Variants in CHSY3 observed in about 807,000 individuals in gnomAD.
The protein encoded by CHSY3 is N-acetylgalactosaminyl-proteoglycan 3-beta-glucuronosyltransferase 3.
CHSY3 carries 35 observed loss-of-function variants against 67.2 expected under a neutral mutation model. The observed-to-expected ratio is 0.52, with a 90% CI of 0.40 to 0.69. CHSY3 has a LOEUF of 0.69. Among genes scored for constraint, CHSY3 ranks in the 30% least tolerant of loss-of-function variants. The probability of loss-of-function intolerance (pLI) is 0.00; values close to 1 mark genes in which losing one functional copy is unlikely to be tolerated. For missense variants in CHSY3, 1,069 were observed against 1,138.5 expected, an observed-to-expected ratio of 0.94 and a Z score of 0.88; for synonymous variants, 474 against 434.7, an observed-to-expected ratio of 1.09 and a Z score of -1.12.
At chr5:130,151,283 T>C (rs1490077408) in intron 2 of CHSY3, among the ~76,000 whole-genome samples, 1 of 152,184 alleles carries the variant, frequency 6.6e-6, no homozygotes, top group East Asian at 1.9e-4. Flanking sequence ...TTGCCAAATG[T>C]CATTACTGTG....
At chr5:130,114,198 A>C (rs2149705530) in intron 2 of CHSY3, among the ~76,000 whole-genome samples, 1 of 152,296 alleles carries the variant, frequency 6.6e-6, no homozygotes, top group East Asian at 1.9e-4. Flanking sequence ...TTAGCTTATA[A>C]GGATAACAAA....
At chr5:129,926,404 T>A (rs1358084588) in intron 2 of CHSY3, among the ~76,000 whole-genome samples, 1 of 151,944 alleles carries the variant, frequency 6.6e-6, no homozygotes, top group Non-Finnish European at 1.5e-5. Context: ...GAACATATAG[T>A]TTTATTTTGT....
chr5:130,051,345 T>A (rs971807509), intron 2 of CHSY3, among the ~76,000 whole-genome samples: 1 of 152,098 alleles, frequency 6.6e-6, no homozygotes, highest in Non-Finnish European at 1.5e-5. Flanking sequence ...TTAAAGGAGC[T>A]AAAGTTCTTT....
intron 2 of CHSY3, among the ~76,000 whole-genome samples, chr5:129,991,744 G>A (rs1763373901): frequency 6.6e-6 from 1 of 152,114 alleles, no homozygotes; most frequent in Non-Finnish European, 1.5e-5. Context: ...AAAAGAGGAA[G>A]AAGAAAAGAA....
intron 2 of CHSY3, among the ~76,000 whole-genome samples, chr5:130,180,582 GGTGCCTTATGCCTGTAATCC>G (rs1770215787): frequency 6.6e-6 from 1 of 151,864 alleles, no homozygotes; most frequent in South Asian, 2.1e-4. Flanking sequence ...GACTGGGCAC[GGTGCCTTATGCCTGTAATCC>G]CAGACCTTGG....
intron 2 of CHSY3, among the ~76,000 whole-genome samples, chr5:130,016,293 G>A (rs929384425): frequency 2.0e-5 from 3 of 152,174 alleles, no homozygotes; most frequent in South Asian, 4.1e-4. Flanking sequence ...GGGATATAAG[G>A]CTATCCATAT....
At chr5:129,919,266 A>G (rs555782940) in intron 2 of CHSY3, among the ~76,000 whole-genome samples, 1 of 152,328 alleles carries the variant, frequency 6.6e-6, no homozygotes, top group South Asian at 2.1e-4. Context: ...AGAAGAACCC[A>G]AAGACAGTTA....
At chr5:129,973,972 T>A (rs756442737) in intron 2 of CHSY3, among the ~76,000 whole-genome samples, 8 of 152,096 alleles carry the variant, frequency 5.3e-5, no homozygotes, top group Non-Finnish European at 7.4e-5. Flanking sequence ...GGCTCCTAGG[T>A]CTGCAACGCT....
intron 2 of CHSY3, chr5:130,001,277 G>A (rs1763721087): frequency 5.2e-6 from 1 of 193,954 alleles, no homozygotes; most frequent in Non-Finnish European, 9.4e-6. Flanking sequence ...TCAAGGGAAA[G>A]AAAAGATTAT....
At chr5:129,980,101 G>A (rs762955422) in intron 2 of CHSY3, among the ~76,000 whole-genome samples, 1 of 152,128 alleles carries the variant, frequency 6.6e-6, no homozygotes, top group Non-Finnish European at 1.5e-5. Context: ...ACTCCATAGG[G>A]TAAATACTAC....
chr5:130,043,023 T>A (rs1765047182), intron 2 of CHSY3, among the ~76,000 whole-genome samples: 1 of 152,122 alleles, frequency 6.6e-6, no homozygotes, highest in Non-Finnish European at 1.5e-5. Context: ...TGGAAATTTT[T>A]GCAAAGTTAT....
At chr5:129,981,618 A>C (rs988107086) in intron 2 of CHSY3, among the ~76,000 whole-genome samples, 3 of 152,140 alleles carry the variant, frequency 2.0e-5, no homozygotes, top group African/African-American at 7.2e-5. Context: ...TCCTGGGCTC[A>C]AGGAATCCTC....
intron 2 of CHSY3, among the ~76,000 whole-genome samples, chr5:129,968,209 C>T (rs951148110): frequency 6.6e-6 from 1 of 151,680 alleles, no homozygotes; most frequent in African/African-American, 2.4e-5. Context: ...TAATATACAT[C>T]GATAAATCCA....
chr5:130,105,405 A>G (rs1029438266), intron 2 of CHSY3, among the ~76,000 whole-genome samples: 1 of 151,722 alleles, frequency 6.6e-6, no homozygotes, highest in African/African-American at 2.4e-5. Context: ...TCACTGTGGC[A>G]TAGTTTATAA....
rs866993352 is a variant in CHSY3 at position 129,904,911 on chromosome 5, G to A, written c.82G>A (p.Ala28Thr). 3 of 1,531,912 alleles carry A rather than the reference G, an allele frequency of 2.0e-6. No individual in the cohort carries two copies. Among genetic ancestry groups the A allele is most frequent in the South Asian group, 1.2e-5 (1 of 83,036 alleles). 94.9% of individuals were successfully genotyped at this position (1,531,912 alleles called of 1,614,324 possible). A position where few individuals can be genotyped will look rare whatever the true frequency, so the allele number is the denominator to read the frequency against. Residue 28 changes from alanine to threonine, a missense_variant, in exon 1 of 3, where the codon GCC (alanine) becomes ACC (threonine). Physicochemically the swap from Ala to Thr is moderately conservative, Grantham distance 58. Transcript: ENST00000305031. ...LGFTAASWLI[A>T]PRVAELSERK... The stretch of plus-strand genomic sequence containing the variant: ...CTTCACCGCCGCGTCCTGGCTCATC[G>A]CCCCCAGGGTGGCGGAGCTGAGCGA...
chr5:129,929,698 C>T lies in CHSY3; in HGVS notation c.1086+21338C>T, dbSNP rs546713138. On this transcript the variant is annotated intron_variant, in intron 2 of 2. Transcript: ENST00000305031. Reference sequence around the variant, plus strand: ...TACAACTTTGTTGAAATCCTTATTGCTCCAGGAATTTTTAACATTAGTGTT... The same window carrying T: ...TACAACTTTGTTGAAATCCTTATTGTTCCAGGAATTTTTAACATTAGTGTT... 5.5e-4 allele frequency among the ~76,000 whole-genome samples: 84 copies of T among 152,180 alleles called. 1 individual carries two copies. The highest frequency in any genetic ancestry group is 2.0e-3 in the African/African-American group (83 of 41,538).
chr5:130,181,234 GC>G (rs1770233946), intron 2 of CHSY3, among the ~76,000 whole-genome samples: 1 of 152,026 alleles, frequency 6.6e-6, no homozygotes, highest in South Asian at 2.1e-4. Context: ...AGGAGAGGAA[GC>G]CAGCTTAAAC....
chr5:129,940,691 A>G (rs911937711), intron 2 of CHSY3, among the ~76,000 whole-genome samples: 7 of 151,868 alleles, frequency 4.6e-5, no homozygotes, highest in African/African-American at 1.7e-4. Context: ...GTGTGTGTGT[A>G]TGCCGATGTA....
Position 130,132,661 on chromosome 5 carries a change from T to A in CHSY3, c.1087-51568T>A, listed in dbSNP as rs189664847. 1.6e-4 allele frequency among the ~76,000 whole-genome samples: 25 copies of A among 152,314 alleles called. No homozygotes were observed. The Middle Eastern group carries it at 0.014, about 83-fold the overall frequency. On this transcript the variant is annotated intron_variant, in intron 2 of 2. Transcript: ENST00000305031. ...GACTTGATTGATACAGATAGCCCAG[T>A]GGTTCTCAACAGAGGGCAATTTTGT... is the stretch of plus-strand genomic sequence containing the variant.
Sources: allele counts gnomAD v4.1 joint callset (sites outside exome capture counted in the v4.1 genomes callset), GRCh38; gene constraint gnomAD v4.1.1; transcripts MANE v1.5; gene names NCBI Gene and HGNC (gene_info 2026-07-23, HGNC 2026-07-21).